The following FBXO40 variants were observed in gnomAD, a reference collection of about 807,000 sequenced individuals.
FBXO40 encodes F-box protein 40.
FBXO40 carries 50 observed loss-of-function variants against 49.9 expected under a neutral mutation model. The observed-to-expected ratio is 1.00, with a 90% CI of 0.80 to 1.27. The LOEUF is 1.27. Ranked by LOEUF, FBXO40 falls within the 50% of genes most tolerant of loss-of-function variation. FBXO40 has a pLI of 0.00. For missense variants in FBXO40, 895 were observed against 870.1 expected, an observed-to-expected ratio of 1.03 and a Z score of -0.36; for synonymous variants, 340 against 320.2, an observed-to-expected ratio of 1.06 and a Z score of -0.66.
At chr3:121,602,304 C>T (rs2048904761) in intron 1 of FBXO40, among the ~76,000 whole-genome samples, 1 of 152,152 alleles carries the variant, frequency 6.6e-6, no homozygotes, top group African/African-American at 2.4e-5. Context: ...CACAAATCTG[C>T]ATCTCCACAT....
In FBXO40 at chr3:121,604,955, TTTATTTATTTATTTATTTA is replaced by T. The variant is rs1333398935; in HGVS notation, c.-31+11472_-31+11490del. Among the ~76,000 whole-genome samples, 1,051 of 150,620 alleles carry T rather than the reference TTTATTTATTTATTTATTTA, an allele frequency of 7.0e-3. 9 individuals carry two copies. Among genetic ancestry groups the T allele is most frequent in the African/African-American group, 0.024 (986 of 41,138 alleles). ...CTGGCTTTATTTATTTATTTATTTA[TTTATTTATTTATTTATTTA>T]TTATTTATTTATTTATTTGACACAG... is the stretch of plus-strand genomic sequence containing the variant. On this transcript the variant is annotated intron_variant, in intron 1 of 3. Transcript: ENST00000338040.
In FBXO40 at chr3:121,622,227, G is replaced by C. The variant is rs2049035912; in HGVS notation, c.798G>C (p.Lys266Asn). 4 of 1,614,164 alleles carry C rather than the reference G, an allele frequency of 2.5e-6. No individual in the cohort carries two copies. Among genetic ancestry groups the C allele is most frequent in the Non-Finnish European group, 3.4e-6 (4 of 1,180,018 alleles). ...NMVEGEGAPKKKEPQENQKQQ... is the reference protein window; with the variant it reads ...NMVEGEGAPKNKEPQENQKQQ... ...TAGAAGGAGAGGGCGCTCCCAAAAAGAAAGAACCACAGGAAAATCAGAAGC... is the reference window on the plus strand; with the variant it reads ...TAGAAGGAGAGGGCGCTCCCAAAAACAAAGAACCACAGGAAAATCAGAAGC... The change falls in exon 3 of 4, where the codon AAG (lysine) becomes AAC (asparagine). Residue 266 changes from lysine (K) to asparagine (N), a missense_variant. Coordinates refer to ENST00000338040, the MANE Select transcript of FBXO40 (RefSeq NM_016298.4).
intron 3 of FBXO40, 138 bp from the exon 4 acceptor site, chr3:121,626,557 A>G: frequency 2.7e-6 from 2 of 750,500 alleles, no homozygotes; most frequent in Non-Finnish European, 4.5e-6. Flanking sequence ...GGGCTACCAA[A>G]TGTCTGCAGG....
intron 1 of FBXO40, among the ~76,000 whole-genome samples, chr3:121,618,512 G>A (rs961778739): frequency 6.7e-5 from 10 of 150,344 alleles, no homozygotes; most frequent in African/African-American, 9.8e-5. Flanking sequence ...TCAGCCTCCC[G>A]AGTAGCTGAG....
chr3:121,617,167 C>T (rs555511477), intron 1 of FBXO40, among the ~76,000 whole-genome samples: 16 of 152,268 alleles, frequency 1.1e-4, no homozygotes, highest in South Asian at 1.0e-3. Flanking sequence ...GGCCTTGAAA[C>T]GTTCCCAACA....
chr3:121,627,957 A>G lies in FBXO40; in HGVS notation c.*1047A>G, dbSNP rs2049071688. 1.8e-5 allele frequency: 7 copies of G among 398,532 alleles called. No homozygotes were observed. In the South Asian group the frequency reaches 3.8e-4, roughly 22 times the overall value. The allele number at this position is 398,532 out of a possible 1,614,324, so 24.7% of individuals were successfully genotyped here. ...GGGGTCTTGGAGAGGAAGACATGTG[A>G]ACATAACGGCTCCCTGAAATTGCTC... is the stretch of plus-strand genomic sequence containing the variant. On this transcript the variant is annotated 3_prime_UTR_variant, in exon 4 of 4. Coordinates refer to ENST00000338040, the MANE Select transcript of FBXO40 (RefSeq NM_016298.4).
At chr3:121,606,682 A>C (rs1560128393) in intron 1 of FBXO40, among the ~76,000 whole-genome samples, 1 of 152,216 alleles carries the variant, frequency 6.6e-6, no homozygotes, top group Non-Finnish European at 1.5e-5. Context: ...ATGCAAAAGG[A>C]CTTAATTATA....
intron 3 of FBXO40, among the ~76,000 whole-genome samples, chr3:121,623,985 G>GA (rs1171365155): frequency 2.4e-5 from 2 of 82,552 alleles, no homozygotes; most frequent in African/African-American, 4.7e-5. Context: ...ACTGCACCTG[G>GA]CCTTTTTTTT....
chr3:121,618,608 C>G (rs1576454654), intron 1 of FBXO40, among the ~76,000 whole-genome samples: 1 of 149,776 alleles, frequency 6.7e-6, no homozygotes, highest in Non-Finnish European at 1.5e-5. Context: ...GTTGACTAGG[C>G]TGGCCTTGAA....
chr3:121,599,726 T>TATA (rs1560126997), intron 1 of FBXO40, among the ~76,000 whole-genome samples: 3 of 24,798 alleles, frequency 1.2e-4, no homozygotes, highest in African/African-American at 3.6e-4. Context: ...ATATATATAT[T>TATA]TTTTTTTTTT....
In FBXO40 at chr3:121,621,433, G is replaced by A. The variant is rs868812343; in HGVS notation, c.4G>A (p.Gly2Arg). The change falls in exon 3 of 4, where the codon GGG becomes AGG. Residue 2 changes from glycine (G) to arginine (R), a missense_variant and splice_region_variant. Gly to Arg is a moderately radical substitution (Grantham distance 125). Coordinates refer to ENST00000338040, the MANE Select transcript of FBXO40 (RefSeq NM_016298.4). M[G>R]KARRSPPGHH... ...TTCCCCCTGTCCTTGGTGTGTCCAGGGGAAAGCCCGCAGATCCCCGCCAGG... is the reference window on the plus strand; with the variant it reads ...TTCCCCCTGTCCTTGGTGTGTCCAGAGGAAAGCCCGCAGATCCCCGCCAGG... The A allele has an allele frequency of 6.2e-7, 1 of 1,611,272 alleles. No homozygotes were observed. The highest frequency in any genetic ancestry group is 8.5e-7 in the Non-Finnish European group (1 of 1,178,478).
intron 1 of FBXO40, among the ~76,000 whole-genome samples, chr3:121,616,614 A>G (rs1567990): frequency 0.25 from 37,481 of 152,152 alleles, 5,538 homozygotes; most frequent in African/African-American, 0.38. Context: ...AGCTGACTCT[A>G]ATGAACAATA....
chr3:121,623,343 G>A lies in FBXO40; in HGVS notation c.1914G>A (p.Glu638=), dbSNP rs763343276. The A allele has an allele frequency of 6.2e-7, 1 of 1,609,048 alleles. No individual in the cohort carries two copies. Among genetic ancestry groups the A allele is most frequent in the East Asian group, 2.2e-5 (1 of 44,806 alleles). The part of the protein sequence containing the change: ...HGGTSWRVHR[E]IWQFSSLFSK... ...GCACCTCCTGGAGAGTCCACAGAGA[G>A]GTAAGTAAACACTCATTTATTGATT... Residue 638 remains glutamate (E), a splice_region_variant and synonymous_variant, in exon 3 of 4, where the codon GAG becomes GAA. Coordinates refer to ENST00000338040, the MANE Select transcript of FBXO40 (RefSeq NM_016298.4).
intron 1 of FBXO40, among the ~76,000 whole-genome samples, chr3:121,610,635 C>A (rs985997996): frequency 1.3e-5 from 2 of 152,072 alleles, no homozygotes; most frequent in South Asian, 2.1e-4. Flanking sequence ...TTCTTACTTC[C>A]TTTTTTTGTT....
intron 1 of FBXO40, among the ~76,000 whole-genome samples, chr3:121,611,621 T>TTCC (rs964258356): frequency 6.6e-5 from 10 of 152,196 alleles, no homozygotes; most frequent in Non-Finnish European, 1.5e-4. Context: ...GACAGTGGCC[T>TTCC]TCCTCTATCT....
rs2049025590 is a variant in FBXO40, at chr3:121,620,695, CTT to C, written c.3+122_3+123del. The C allele has an allele frequency of 3.0e-6, 4 of 1,316,414 alleles. No homozygotes were observed. The East Asian group carries it at 9.4e-5, about 31-fold the overall frequency. The allele number at this position is 1,316,414 out of a possible 1,614,324, so 81.5% of individuals were successfully genotyped here. On this transcript the variant is annotated intron_variant, in intron 2 of 3. Coordinates refer to ENST00000338040, the MANE Select transcript of FBXO40 (RefSeq NM_016298.4). ...CTTATGGTTTGATGATATTTATCAA[CTT>C]TTTTCCAAACTAGAGATGCTGAACA... is the stretch of plus-strand genomic sequence containing the variant.
At chr3:121,600,428 T>C in intron 1 of FBXO40, among the ~76,000 whole-genome samples, 1 of 152,150 alleles carries the variant, frequency 6.6e-6, no homozygotes, top group East Asian at 1.9e-4. Flanking sequence ...ATGTTCCTTT[T>C]GTTTTCTGTA....
Position 121,626,930 on chromosome 3 carries a change from TGC to T in FBXO40, c.*21_*22del. On this transcript the variant is annotated 3_prime_UTR_variant, in exon 4 of 4. Transcript: ENST00000338040. ...TCCTAAAAATTCAGATGCCACTCGA[TGC>T]ACCCTTCTTGGATTTCTTCTCGGAG... 6.2e-7 allele frequency: 1 copy of T among 1,609,374 alleles called. No homozygotes were observed. Among genetic ancestry groups the T allele is most frequent in the Non-Finnish European group, 8.5e-7 (1 of 1,175,854 alleles).
intron 1 of FBXO40, among the ~76,000 whole-genome samples, chr3:121,613,070 AG>A (rs768351226): frequency 3.1e-5 from 3 of 96,026 alleles, no homozygotes; most frequent in Non-Finnish European, 4.7e-5. Context: ...ACTCCGTCTC[AG>A]AAAAAAAAAA....
Sources: gnomAD v4.1 joint callset for allele counts (sites outside exome capture counted in the v4.1 genomes callset) on GRCh38, gnomAD v4.1.1 for gene constraint, MANE v1.5 for transcripts, NCBI Gene and HGNC (gene_info 2026-07-23, HGNC 2026-07-21) for gene names.